Variants in PBX1 observed in about 807,000 individuals in gnomAD.
The protein encoded by PBX1 is pre-B-cell leukemia transcription factor 1.
A neutral mutation model predicts 53.4 loss-of-function variants in PBX1; 6 were observed. The observed-to-expected ratio is 0.11, with a 90% confidence interval of 0.06 to 0.22. The LOEUF (loss-of-function observed/expected upper bound fraction) is 0.22, where lower values mean the gene tolerates loss of function less well. Ranked by LOEUF, PBX1 falls within the 10% of genes least tolerant of loss-of-function variation. PBX1 has a pLI of 1.00. For missense variants in PBX1, 251 were observed against 551.4 expected (o/e 0.46, Z 5.46); for synonymous variants, 204 against 212.3 (o/e 0.96, Z 0.34).
intron 2 of PBX1, among the ~76,000 whole-genome samples, chr1:164,619,902 C>T (rs577355053): frequency 2.8e-4 from 42 of 152,264 alleles, no homozygotes; most frequent in African/African-American, 1.0e-3. Flanking sequence ...GGCCAGGCGC[C>T]GTGGCCCATG....
intron 2 of PBX1, among the ~76,000 whole-genome samples, chr1:164,722,183 T>A (rs1406773432): frequency 6.6e-6 from 1 of 152,198 alleles, no homozygotes. Flanking sequence ...CAGAATCTTC[T>A]TGCTGCTCAT....
At chr1:164,653,214 C>G (rs1291010325) in intron 2 of PBX1, among the ~76,000 whole-genome samples, 2 of 152,096 alleles carry the variant, frequency 1.3e-5, no homozygotes, top group Admixed American at 6.5e-5. Context: ...TACTTTTGTA[C>G]CCGGCTTTTA....
intron 2 of PBX1, chr1:164,651,840 T>C (rs1659841673): frequency 6.6e-6 from 1 of 152,512 alleles, no homozygotes; most frequent in African/African-American, 2.4e-5. Context: ...TTCCTCGTTG[T>C]CTGGTTGATT....
At chr1:164,583,915 A>G (rs1654788590) in intron 2 of PBX1, among the ~76,000 whole-genome samples, 1 of 152,180 alleles carries the variant, frequency 6.6e-6, no homozygotes, top group African/African-American at 2.4e-5. Flanking sequence ...AGATAACTTA[A>G]GTATAGCATA....
intron 2 of PBX1, among the ~76,000 whole-genome samples, chr1:164,880,997 G>A (rs1200775826): frequency 6.6e-6 from 1 of 152,194 alleles, no homozygotes; most frequent in African/African-American, 2.4e-5. Flanking sequence ...AGTGGTCCTT[G>A]GTGGTCTGAT....
At chr1:164,619,785 T>C (rs1049527863) in intron 2 of PBX1, among the ~76,000 whole-genome samples, 1 of 152,212 alleles carries the variant, frequency 6.6e-6, no homozygotes, top group African/African-American at 2.4e-5. Context: ...ATCCTGTTTT[T>C]AGATCCAGAA....
At position 164,872,269 on chromosome 1, in the gene PBX1, A is replaced by T. The variant is rs189270837; in HGVS notation, n.258-26919A>T. Among the ~76,000 whole-genome samples the T allele has an allele frequency of 2.0e-5, 3 of 152,306 alleles. No individual in the cohort carries two copies. The East Asian group carries it at 5.8e-4, about 29-fold the overall frequency. On this transcript the variant is annotated intron_variant and non_coding_transcript_variant, in intron 2 of 2. Coordinates refer to the PBX1 transcript ENST00000558796. ...GTGGTGGGGAGTTCACTCCCTCTCC[A>T]TGTGCGGACAGCATTCATGGTTAGA... is the stretch of plus-strand genomic sequence containing the variant.
At chr1:164,727,158 A>G (rs1430758684) in intron 2 of PBX1, among the ~76,000 whole-genome samples, 1 of 152,116 alleles carries the variant, frequency 6.6e-6, no homozygotes, top group East Asian at 1.9e-4. Flanking sequence ...TATTGCATTC[A>G]CCCCTTGGCA....
At position 164,768,926 on chromosome 1, in the gene PBX1, G is replaced by A. The variant is rs116277055; in HGVS notation, c.266-23568G>A. Among the ~76,000 whole-genome samples, 258 of 152,224 alleles carry A rather than the reference G, an allele frequency of 1.7e-3. 1 individual carries two copies. Among genetic ancestry groups the A allele is most frequent in the African/African-American group, 5.9e-3 (247 of 41,536 alleles). On this transcript the variant is annotated intron_variant, in intron 2 of 8. Coordinates refer to ENST00000420696, the MANE Select transcript of PBX1 (RefSeq NM_002585.4). ...AAATTAACTGGGTGTGGTGGCACAC[G>A]CCTGTAATCCCCCAGCTACTCTAGA...
At chr1:164,781,996 T>C (rs984650098) in intron 2 of PBX1, among the ~76,000 whole-genome samples, 1 of 152,246 alleles carries the variant, frequency 6.6e-6, no homozygotes, top group Non-Finnish European at 1.5e-5. Flanking sequence ...TTAGCTTAGA[T>C]TGGTTAAGCT....
intron 2 of PBX1, among the ~76,000 whole-genome samples, chr1:164,728,409 A>G (rs1230535123): frequency 6.6e-6 from 1 of 152,128 alleles, no homozygotes; most frequent in African/African-American, 2.4e-5. Context: ...GAAGCCCACA[A>G]GTGTTGAAAA....
intron 3 of PBX1, among the ~76,000 whole-genome samples, chr1:164,798,051 G>T (rs1219687839): frequency 6.6e-6 from 1 of 152,184 alleles, no homozygotes; most frequent in African/African-American, 2.4e-5. Flanking sequence ...CCACTTTTGG[G>T]TGAGTTAAAT....
chr1:164,650,595 A>C (rs530234751), intron 2 of PBX1, among the ~76,000 whole-genome samples: 1 of 152,306 alleles, frequency 6.6e-6, no homozygotes, highest in African/African-American at 2.4e-5. Flanking sequence ...CATTATGTGG[A>C]GAATAGAGAG....
intron 2 of PBX1, among the ~76,000 whole-genome samples, chr1:164,767,764 G>A (rs890936443): frequency 2.0e-5 from 3 of 151,472 alleles, no homozygotes; most frequent in African/African-American, 7.3e-5. Flanking sequence ...CTTATGTAGA[G>A]GTCCCAGTAC....
intron 8 of PBX1, among the ~76,000 whole-genome samples, chr1:164,843,024 G>A (rs1671380325): frequency 6.6e-6 from 1 of 151,504 alleles, no homozygotes; most frequent in African/African-American, 2.4e-5. Context: ...TCGAGGTAGA[G>A]GGAAGGAATT....
chr1:164,691,747 A>G (rs1662502544), intron 2 of PBX1, among the ~76,000 whole-genome samples: 1 of 152,196 alleles, frequency 6.6e-6, no homozygotes, highest in South Asian at 2.1e-4. Context: ...GAGCAGCTCA[A>G]GTTAGCAGGC....
At chr1:164,860,410 G>C (rs949317603) in intron 2 of PBX1, among the ~76,000 whole-genome samples, 2 of 152,058 alleles carry the variant, frequency 1.3e-5, no homozygotes, top group African/African-American at 4.8e-5. Context: ...GAATTCTGAG[G>C]GGGCTTTATT....
chr1:164,854,281 C>G (rs1186844858), downstream of PBX1: 1 of 152,164 alleles, frequency 6.6e-6, no homozygotes, highest in Non-Finnish European at 1.5e-5. Context: ...CAACCAGTTA[C>G]AGATTCCTTT....
intron 2 of PBX1, among the ~76,000 whole-genome samples, chr1:164,778,751 C>T (rs115960403): frequency 1.4e-3 from 213 of 152,274 alleles, no homozygotes; most frequent in African/African-American, 4.8e-3. Flanking sequence ...TGAAATTCTG[C>T]AAAAGGCAGC....
Sources: gnomAD v4.1 joint callset for allele counts (sites outside exome capture counted in the v4.1 genomes callset) on GRCh38, gnomAD v4.1.1 for gene constraint, MANE v1.5 for transcripts, NCBI Gene and HGNC (gene_info 2026-07-23, HGNC 2026-07-21) for gene names.